The following LINGO2 variants were observed in gnomAD, a reference collection of about 807,000 sequenced individuals.
LINGO2 encodes leucine rich repeat and Ig domain containing 2, also known as leucine-rich repeat and immunoglobulin-like domain-containing nogo receptor-interacting protein 2.
A neutral mutation model predicts 30.6 loss-of-function variants in LINGO2; 14 were observed. That is an observed-to-expected ratio of 0.46 (90% CI 0.30 to 0.72). LINGO2 has a LOEUF of 0.72. Ranked by LOEUF, LINGO2 falls within the 30% of genes least tolerant of loss-of-function variation. The pLI, the probability that LINGO2 is intolerant of heterozygous loss-of-function variation, is 0.07. For synonymous variants in LINGO2, 317 were observed against 288.5 expected (o/e 1.10, Z -1.00); for missense variants, 729 against 751.7 (o/e 0.97, Z 0.35).
chr9:28,228,641 T>C (rs1362247286), intron 4 of LINGO2, among the ~76,000 whole-genome samples: 1 of 151,862 alleles, frequency 6.6e-6, no homozygotes, highest in Non-Finnish European at 1.5e-5. Context: ...GAATGTAAAA[T>C]AAAGAATAGA....
chr9:28,372,034 TA>T (rs1820922732), intron 3 of LINGO2, among the ~76,000 whole-genome samples: 3 of 152,142 alleles, frequency 2.0e-5, no homozygotes, highest in Admixed American at 2.0e-4. Context: ...ACACAATATG[TA>T]ACTAGGATTC....
chr9:28,488,506 C>A (rs981832800), intron 1 of LINGO2, among the ~76,000 whole-genome samples: 1 of 152,100 alleles, frequency 6.6e-6, no homozygotes, highest in Non-Finnish European at 1.5e-5. Flanking sequence ...TAGAATGAAA[C>A]CTTCAGTTAA....
At chr9:29,088,330 C>G in the LINGO2 span, among the ~76,000 whole-genome samples, 1 of 152,106 alleles carries the variant, frequency 6.6e-6, no homozygotes, top group Non-Finnish European at 1.5e-5. Flanking sequence ...CATGGCAAAA[C>G]CGGTACTGCT....
At chr9:29,204,039 A>G in the LINGO2 span, among the ~76,000 whole-genome samples, 1 of 152,232 alleles carries the variant, frequency 6.6e-6, no homozygotes, top group Non-Finnish European at 1.5e-5. Flanking sequence ...CACATAAAAT[A>G]ATGCATTTGT....
chr9:29,005,943 C>T, the LINGO2 span, among the ~76,000 whole-genome samples: 95 of 151,862 alleles, frequency 6.3e-4, no homozygotes, highest in East Asian at 4.3e-3. Flanking sequence ...ATGACAGATA[C>T]GAGACCAATG....
intron 1 of LINGO2, among the ~76,000 whole-genome samples, chr9:28,635,871 C>T (rs146382313): frequency 0.019 from 2,938 of 152,120 alleles, 68 homozygotes; most frequent in African/African-American, 0.04. Flanking sequence ...ATGTGCACAA[C>T]GTACAGGTTT....
rs1462680731 is a variant in LINGO2 at position 28,568,005 on chromosome 9, G to C, written c.-364-91980C>G. On this transcript the variant is annotated intron_variant, in intron 1 of 5. Coordinates refer to ENST00000379992, the Ensembl canonical transcript of LINGO2. The stretch of plus-strand genomic sequence containing the variant: ...GATTCAGCAAATCACCAGGGAGTGA[G>C]AAATTCCTATAGACCAGCCAGTGAA... 3.9e-5 allele frequency among the ~76,000 whole-genome samples: 6 copies of C among 152,096 alleles called. No individual in the cohort carries two copies. The East Asian group carries it at 9.7e-4, about 25-fold the overall frequency.
chr9:29,007,322 C>T, the LINGO2 span, among the ~76,000 whole-genome samples: 2 of 151,992 alleles, frequency 1.3e-5, no homozygotes, highest in African/African-American at 2.4e-5. Flanking sequence ...CAGATGTAAA[C>T]TTTTGGACTG....
At chr9:28,364,307 G>C (rs1207903784) in intron 3 of LINGO2, among the ~76,000 whole-genome samples, 1 of 151,030 alleles carries the variant, frequency 6.6e-6, no homozygotes, top group African/African-American at 2.4e-5. Context: ...TGCTTTCTCT[G>C]TTCTGAGTGT....
At chr9:28,634,269 C>T (rs1056906249) in intron 1 of LINGO2, among the ~76,000 whole-genome samples, 2 of 152,006 alleles carry the variant, frequency 1.3e-5, no homozygotes, top group African/African-American at 4.8e-5. Context: ...ATATTATATA[C>T]ACAACTGAGG....
At chr9:28,985,799 C>G in the LINGO2 span, among the ~76,000 whole-genome samples, 1 of 151,936 alleles carries the variant, frequency 6.6e-6, no homozygotes, top group Admixed American at 6.6e-5. Context: ...CAAATATATT[C>G]TCCCAATCCC....
chr9:28,865,389 G>T, the LINGO2 span, among the ~76,000 whole-genome samples: 1 of 152,186 alleles, frequency 6.6e-6, no homozygotes, highest in South Asian at 2.1e-4. Context: ...TCCCAAACTG[G>T]CCCAGGCAAA....
At chr9:29,187,030 C>G in the LINGO2 span, among the ~76,000 whole-genome samples, 1 of 152,042 alleles carries the variant, frequency 6.6e-6, no homozygotes, top group Non-Finnish European at 1.5e-5. Context: ...TTGTTGTCTC[C>G]CCAGAGTTTC....
At chr9:29,188,107 G>C in the LINGO2 span, among the ~76,000 whole-genome samples, 1 of 148,748 alleles carries the variant, frequency 6.7e-6, no homozygotes, top group Non-Finnish European at 1.5e-5. Flanking sequence ...TGGAGGGAAG[G>C]TCAGCAGATA....
At chr9:28,683,341 C>T in the LINGO2 span, among the ~76,000 whole-genome samples, 1 of 152,052 alleles carries the variant, frequency 6.6e-6, no homozygotes, top group Non-Finnish European at 1.5e-5. Flanking sequence ...CCTGTGAACT[C>T]CATACCAATA....
the LINGO2 span, among the ~76,000 whole-genome samples, chr9:28,819,918 C>A: frequency 2.6e-5 from 4 of 152,072 alleles, no homozygotes; most frequent in South Asian, 8.3e-4. Flanking sequence ...CATATATAAC[C>A]TGCCCACCCA....
intron 1 of LINGO2, among the ~76,000 whole-genome samples, chr9:28,585,591 G>A (rs564094911): frequency 6.6e-6 from 1 of 152,082 alleles, no homozygotes; most frequent in African/African-American, 2.4e-5. Flanking sequence ...CCAACTGTAG[G>A]CTGACGTAAG....
At position 28,362,583 on chromosome 9, in the gene LINGO2, G is replaced by T. The variant is rs891045755; in HGVS notation, c.-246+10253C>A. On this transcript the variant is annotated intron_variant, in intron 3 of 5. Transcript: ENST00000379992. ...CCTCCCAGGTTCAAGCGATTCTCCA[G>T]CTTCATCCTCCTGAGTAGCTGGGAT... Among the ~76,000 whole-genome samples the T allele has an allele frequency of 2.6e-5, 4 of 151,922 alleles. No individual in the cohort carries two copies. The East Asian group carries it at 7.7e-4, about 29-fold the overall frequency.
chr9:27,999,462 G>C (rs1339723220), intron 5 of LINGO2, among the ~76,000 whole-genome samples: 1 of 151,394 alleles, frequency 6.6e-6, no homozygotes, highest in Non-Finnish European at 1.5e-5. Context: ...GAGAGAGAGA[G>C]AGAGAGAGAG....
Sources: gnomAD v4.1 joint callset for allele counts (sites outside exome capture counted in the v4.1 genomes callset) on GRCh38, gnomAD v4.1.1 for gene constraint, MANE v1.5 for transcripts, NCBI Gene and HGNC (gene_info 2026-07-23, HGNC 2026-07-21) for gene names.